The following BMERB1 variants were observed in gnomAD, a reference collection of about 807,000 sequenced individuals.
BMERB1 encodes the protein bMERB domain containing 1, also known as bMERB domain-containing protein 1.
A neutral mutation model predicts 23.6 loss-of-function variants in BMERB1; 12 were observed. The ratio of observed to expected loss-of-function variants is 0.51; its 90% CI spans 0.33 to 0.82. The LOEUF (loss-of-function observed/expected upper bound fraction) is 0.82, where lower values mean the gene tolerates loss of function less well. Ranked by LOEUF, BMERB1 falls within the 40% of genes least tolerant of loss-of-function variation. The pLI is 0.03. For synonymous variants in BMERB1, 122 were observed against 96.6 expected, an observed-to-expected ratio of 1.26 and a Z score of -1.54; for missense variants, 247 against 255.4, an observed-to-expected ratio of 0.97 and a Z score of 0.22.
chr16:15,529,065 C>T (rs2051940797), intron 2 of BMERB1, among the ~76,000 whole-genome samples: 1 of 152,106 alleles, frequency 6.6e-6, no homozygotes, highest in African/African-American at 2.4e-5. Context: ...AGCTCTGTCG[C>T]CCAGGCTGGA....
chr16:15,550,599 A>G (rs773135336), intron 2 of BMERB1, among the ~76,000 whole-genome samples: 6 of 151,340 alleles, frequency 4.0e-5, no homozygotes, highest in Non-Finnish European at 8.8e-5. Context: ...CAGCCTCCCA[A>G]AGTGCTGGGA....
intron 2 of BMERB1, among the ~76,000 whole-genome samples, chr16:15,565,107 G>A (rs574495339): frequency 4.4e-4 from 67 of 151,936 alleles, no homozygotes; most frequent in Admixed American, 5.9e-4. Context: ...ACACTCAGGG[G>A]ACTAAGATAG....
chr16:15,476,246 T>C (rs1359113302), intron 1 of BMERB1, among the ~76,000 whole-genome samples: 2 of 148,140 alleles, frequency 1.4e-5, no homozygotes, highest in Non-Finnish European at 3.0e-5. Flanking sequence ...TATTGCAGCC[T>C]CCGCCTCCCG....
intron 1 of BMERB1, among the ~76,000 whole-genome samples, chr16:15,460,125 A>C (rs2051122246): frequency 6.6e-6 from 1 of 152,156 alleles, no homozygotes; most frequent in South Asian, 2.1e-4. Flanking sequence ...ATTAATTTAA[A>C]ATTCCCCTAC....
intron 1 of BMERB1, chr16:15,502,270 A>G (rs1175910781): frequency 2.6e-6 from 4 of 1,550,386 alleles, no homozygotes; most frequent in Non-Finnish European, 3.5e-6. Flanking sequence ...GGAGAATAAC[A>G]ATCATAGCCA....
intron 3 of BMERB1, among the ~76,000 whole-genome samples, chr16:15,572,513 A>G (rs1215274239): frequency 6.6e-6 from 1 of 152,232 alleles, no homozygotes; most frequent in Non-Finnish European, 1.5e-5. Flanking sequence ...TGATGGTTGC[A>G]CAACTCTGCA....
At chr16:15,578,226 C>CT (rs72419431) in intron 3 of BMERB1, among the ~76,000 whole-genome samples, 2,782 of 120,948 alleles carry the variant, frequency 0.023, 33 homozygotes, top group African/African-American at 0.028. Flanking sequence ...CTCTTCTCCT[C>CT]TTTTTTTTTT....
rs1028128870 is a variant in BMERB1, at chr16:15,586,983, C to T, written c.*154C>T. Reference sequence around the variant, plus strand: ...AGAGGCCATGGGCACGGCAGGCGGGCCTGGCCACCCTGTACAGAGTGTAGC... The same window carrying T: ...AGAGGCCATGGGCACGGCAGGCGGGTCTGGCCACCCTGTACAGAGTGTAGC... On this transcript the variant is annotated 3_prime_UTR_variant, in exon 6 of 6. Transcript: ENST00000300006. 18 of 606,834 alleles carry T rather than the reference C, an allele frequency of 3.0e-5. No homozygotes were observed. In the East Asian group the frequency reaches 4.2e-4, roughly 14 times the overall value. The allele number at this position is 606,834 out of a possible 1,614,324, so 37.6% of individuals were successfully genotyped here.
chr16:15,548,675 GC>G (rs1162081867), intron 2 of BMERB1, among the ~76,000 whole-genome samples: 4 of 152,166 alleles, frequency 2.6e-5, no homozygotes, highest in Non-Finnish European at 5.9e-5. Context: ...GAGATTACTT[GC>G]GTTTTCTTTG....
chr16:15,586,590 G>A lies in BMERB1; in HGVS notation c.503-127G>A. The A allele has an allele frequency of 4.0e-6, 3 of 747,536 alleles. No homozygotes were observed. The South Asian group carries it at 4.5e-5, about 11-fold the overall frequency. The allele number at this position is 747,536 out of a possible 1,614,324, so 46.3% of individuals were successfully genotyped here. A position where few individuals can be genotyped will look rare whatever the true frequency, so the allele number is the denominator to read the frequency against. The stretch of plus-strand genomic sequence containing the variant: ...TCAGCTCTCCATACCACCTGAACAA[G>A]GCCTGGAACAAGACCTGGCCAGGGG... On this transcript the variant is annotated intron_variant, in intron 5 of 5. Transcript: ENST00000300006.
chr16:15,583,364 G>C, intron 5 of BMERB1, 126 bp downstream of exon 5: 1 of 754,608 alleles, frequency 1.3e-6, no homozygotes, highest in Non-Finnish European at 2.3e-6. Context: ...GATCACCTGA[G>C]GTCAGGAGTT....
chr16:15,579,035 G>T (rs2030943280), intron 3 of BMERB1, among the ~76,000 whole-genome samples: 1 of 152,184 alleles, frequency 6.6e-6, no homozygotes, highest in Non-Finnish European at 1.5e-5. Flanking sequence ...CTGAGGCTGG[G>T]GAATGCCTCT....
Position 15,585,928 on chromosome 16 carries a change from T to C in BMERB1, c.503-789T>C, listed in dbSNP as rs926919286. ...AATGTCCTCCCAAGAACCAAAAATA[T>C]AGAACTATTTAAAAAGGAAAATAAA... is the stretch of plus-strand genomic sequence containing the variant. On this transcript the variant is annotated intron_variant, in intron 5 of 5. Coordinates refer to ENST00000300006, the MANE Select transcript of BMERB1 (RefSeq NM_033201.3). Among the ~76,000 whole-genome samples the C allele has an allele frequency of 2.6e-5, 4 of 152,004 alleles. No homozygotes were observed. The South Asian group carries it at 6.2e-4, about 24-fold the overall frequency.
intron 3 of BMERB1, among the ~76,000 whole-genome samples, chr16:15,570,559 G>A (rs2030699063): frequency 6.6e-6 from 1 of 152,074 alleles, no homozygotes; most frequent in Non-Finnish European, 1.5e-5. Flanking sequence ...ACCCCTCAAT[G>A]GTGATGTTAC....
intron 2 of BMERB1, among the ~76,000 whole-genome samples, chr16:15,538,444 T>C (rs2052046766): frequency 6.7e-6 from 1 of 150,236 alleles, no homozygotes; most frequent in Non-Finnish European, 1.5e-5. Context: ...AGAGCAAGAC[T>C]CTGTCTCAAA....
rs1279942948 is a variant in BMERB1, at chr16:15,502,361, C to T, written c.107-12944C>T. On this transcript the variant is annotated intron_variant, in intron 1 of 5. Transcript: ENST00000300006. The stretch of plus-strand genomic sequence containing the variant: ...CACAGAGACGGGATGTATGGGACGG[C>T]GGAGTGCAAAGAAAGGTATGATCGC... The T allele has an allele frequency of 4.5e-6, 7 of 1,550,682 alleles. 1 individual carries two copies. The highest frequency in any genetic ancestry group is 3.6e-5 in the South Asian group (3 of 83,986).
chr16:15,477,563 T>C (rs2051284803), intron 1 of BMERB1, among the ~76,000 whole-genome samples: 1 of 152,064 alleles, frequency 6.6e-6, no homozygotes, highest in African/African-American at 2.4e-5. Flanking sequence ...CCTGGGAGGT[T>C]GAGGCTGCAG....
intron 2 of BMERB1, among the ~76,000 whole-genome samples, chr16:15,557,731 AC>A (rs1388765174): frequency 6.6e-6 from 1 of 152,184 alleles, no homozygotes; most frequent in Non-Finnish European, 1.5e-5. Context: ...TGTTCACACT[AC>A]TTAAGTCATA....
At chr16:15,440,844 T>C (rs1225792560) in intron 1 of BMERB1, among the ~76,000 whole-genome samples, 1 of 152,136 alleles carries the variant, frequency 6.6e-6, no homozygotes, top group Non-Finnish European at 1.5e-5. Context: ...AGTGAAGGCG[T>C]CAAATATTAC....
Sources: allele counts gnomAD v4.1 joint callset (sites outside exome capture counted in the v4.1 genomes callset), GRCh38; gene constraint gnomAD v4.1.1; transcripts MANE v1.5; gene names NCBI Gene and HGNC (gene_info 2026-07-23, HGNC 2026-07-21).